Variants in NUS1 observed in about 807,000 individuals in gnomAD.
NUS1 encodes NUS1 dehydrodolichyl diphosphate synthase subunit.
For synonymous variants in NUS1, 135 were observed against 155.2 expected (o/e 0.87, Z 0.97); for missense variants, 292 against 382.9 (o/e 0.76, Z 1.98).
At chr6:117,680,847 G>C (rs4330560) in intron 1 of NUS1, among the ~76,000 whole-genome samples, 1 of 151,626 alleles carries the variant, frequency 6.6e-6, no homozygotes, top group Non-Finnish European at 1.5e-5. Flanking sequence ...AATTTTTTTT[G>C]TGTGCTGCTC....
Position 117,693,326 on chromosome 6 carries a change from C to G in NUS1, c.541+159C>G, listed in dbSNP as rs551582095. Among the ~76,000 whole-genome samples the G allele has an allele frequency of 8.0e-4, 121 of 152,200 alleles. 1 individual carries two copies. In the South Asian group the frequency reaches 8.5e-3, roughly 11 times the overall value. The stretch of plus-strand genomic sequence containing the variant: ...CAGATTTAGACTTTCTCGTCTTAAT[C>G]TTGGTAAAAAGTGAACACATGATAA... On this transcript the variant is annotated intron_variant, in intron 2 of 4. Coordinates refer to ENST00000368494, the MANE Select transcript of NUS1 (RefSeq NM_138459.5).
chr6:117,687,090 A>G (rs1773152475), intron 1 of NUS1, among the ~76,000 whole-genome samples: 1 of 152,194 alleles, frequency 6.6e-6, no homozygotes, highest in African/African-American at 2.4e-5. Context: ...CAGCCAAGAA[A>G]GATTCTGTTC....
intron 1 of NUS1, among the ~76,000 whole-genome samples, chr6:117,677,425 G>A (rs1243644313): frequency 1.3e-5 from 2 of 152,324 alleles, no homozygotes; most frequent in Admixed American, 1.3e-4. Flanking sequence ...TTTTCAATCA[G>A]ATCTTGAAAG....
chr6:117,677,812 G>A (rs1292168853), intron 1 of NUS1, among the ~76,000 whole-genome samples: 1 of 152,186 alleles, frequency 6.6e-6, no homozygotes, highest in Non-Finnish European at 1.5e-5. Flanking sequence ...AGACTGTTAG[G>A]AGATGACACA....
chr6:117,710,427 A>G lies in NUS1; in HGVS notation c.*3412A>G, dbSNP rs1773559376. ...CTGGTGGGACATAAACTATGATGCA[A>G]TGGATAGGAAAAGGTAGTGCAAAAA... On this transcript the variant is annotated 3_prime_UTR_variant, in exon 5 of 5. Coordinates refer to ENST00000368494, the MANE Select transcript of NUS1 (RefSeq NM_138459.5). 1 of 152,164 alleles carries G rather than the reference A, an allele frequency of 6.6e-6. No individual in the cohort carries two copies. The highest frequency in any genetic ancestry group is 1.5e-5 in the Non-Finnish European group (1 of 67,994). 9.4% of individuals were successfully genotyped at this position (152,164 alleles called of 1,614,324 possible).
In NUS1 at chr6:117,709,592, A is replaced by T. The variant is rs1437773606; in HGVS notation, c.*2577A>T. 2 of 151,276 alleles carry T rather than the reference A, an allele frequency of 1.3e-5. No homozygotes were observed. The highest frequency in any genetic ancestry group is 3.9e-4 in the East Asian group (2 of 5,152). The allele number at this position is 151,276 out of a possible 1,614,324, so 9.4% of individuals were successfully genotyped here. On this transcript the variant is annotated 3_prime_UTR_variant, in exon 5 of 5. Coordinates refer to ENST00000368494, the MANE Select transcript of NUS1 (RefSeq NM_138459.5). The stretch of plus-strand genomic sequence containing the variant: ...ATACACTGTGCATATCTGCAATTTA[A>T]TCTTTGAATGTATGTTACTGGATTA...
intron 2 of NUS1, among the ~76,000 whole-genome samples, chr6:117,693,411 C>G (rs1044016114): frequency 1.3e-5 from 2 of 151,984 alleles, no homozygotes; most frequent in African/African-American, 4.8e-5. Context: ...ATAGAATGGA[C>G]ACATTTGTAG....
At position 117,704,973 on chromosome 6, in the gene NUS1, G is replaced by A. The variant is rs1363062100; in HGVS notation, c.791+1269G>A. Among the ~76,000 whole-genome samples the A allele has an allele frequency of 3.4e-4, 51 of 152,118 alleles. 1 individual carries two copies. The highest frequency in any genetic ancestry group is 3.3e-3 in the Admixed American group (51 of 15,274). On this transcript the variant is annotated intron_variant, in intron 4 of 4. Transcript: ENST00000368494. ...ATGTTTGGGGATCATCATAACCTGG[G>A]AAGTAGTTGAACCTGTGAGAATATA...
chr6:117,689,388 G>A (rs1339378427), intron 1 of NUS1, among the ~76,000 whole-genome samples: 5 of 152,098 alleles, frequency 3.3e-5, no homozygotes, highest in Admixed American at 1.3e-4. Context: ...GGAGGGGATT[G>A]GTGTGATGTG....
intron 1 of NUS1, among the ~76,000 whole-genome samples, chr6:117,683,354 T>C (rs952369153): frequency 5.3e-5 from 8 of 152,230 alleles, no homozygotes; most frequent in Non-Finnish European, 1.2e-4. Flanking sequence ...ATGGCCTATG[T>C]ATTTTGTTAT....
rs1326414403 is a variant in NUS1, at chr6:117,707,826, AAAAC to A, written c.*812_*815del. 1 of 152,632 alleles carries A rather than the reference AAAAC, an allele frequency of 6.6e-6. No homozygotes were observed. The highest frequency in any genetic ancestry group is 2.4e-5 in the African/African-American group (1 of 41,458). The allele number at this position is 152,632 out of a possible 1,614,324, so 9.5% of individuals were successfully genotyped here. On this transcript the variant is annotated 3_prime_UTR_variant, in exon 5 of 5. Coordinates refer to ENST00000368494, the MANE Select transcript of NUS1 (RefSeq NM_138459.5). ...TTAAACATTGGATTAGGCAGTCAAA[AAAAC>A]CAAGCAAGCATAAAAGGTCAATAAG...
intron 3 of NUS1, among the ~76,000 whole-genome samples, chr6:117,701,562 A>G (rs1320901066): frequency 6.6e-6 from 1 of 152,092 alleles, no homozygotes; most frequent in Admixed American, 6.5e-5. Context: ...ATTTTCTTAA[A>G]TAATATTTTG....
At chr6:117,681,106 T>C (rs1409286248) in intron 1 of NUS1, among the ~76,000 whole-genome samples, 3 of 152,208 alleles carry the variant, frequency 2.0e-5, no homozygotes, top group African/African-American at 7.2e-5. Flanking sequence ...GAGGCTATTG[T>C]TCATCTTTTC....
intron 1 of NUS1, among the ~76,000 whole-genome samples, chr6:117,688,260 A>G (rs1773167637): frequency 6.6e-6 from 1 of 152,144 alleles, no homozygotes. Flanking sequence ...GAACAGCACA[A>G]TGGCTTGGAG....
chr6:117,692,337 CAA>C (rs1562178815), intron 1 of NUS1, among the ~76,000 whole-genome samples: 1 of 152,014 alleles, frequency 6.6e-6, no homozygotes, highest in African/African-American at 2.4e-5. Context: ...TGCAAATTGT[CAA>C]AGACTTGTTC....
intron 1 of NUS1, among the ~76,000 whole-genome samples, chr6:117,681,214 A>G (rs1773057180): frequency 6.6e-6 from 1 of 152,176 alleles, no homozygotes; most frequent in Admixed American, 6.5e-5. Context: ...TCAGAACTTC[A>G]AACATCTCTA....
At chr6:117,676,147 T>TGGC in intron 1 of NUS1, 62 bp downstream of exon 1, 1 of 1,547,096 alleles carries the variant, frequency 6.5e-7, no homozygotes, top group Non-Finnish European at 8.7e-7. Flanking sequence ...ACCGCTGGTC[T>TGGC]GGCGGGTGGT....
intron 1 of NUS1, among the ~76,000 whole-genome samples, chr6:117,676,424 C>T (rs1455252583): frequency 1.3e-5 from 2 of 152,018 alleles, no homozygotes; most frequent in Admixed American, 6.5e-5. Context: ...ACTAAAAATA[C>T]AAGTTTAGTC....
In NUS1 at chr6:117,683,962, T is replaced by A. The variant is rs1773099893; in HGVS notation, c.415+7877T>A. Among the ~76,000 whole-genome samples, 5 of 152,244 alleles carry A rather than the reference T, an allele frequency of 3.3e-5. No homozygotes were observed. The South Asian group carries it at 1.0e-3, about 31-fold the overall frequency. On this transcript the variant is annotated intron_variant, in intron 1 of 4. Transcript: ENST00000368494. Reference sequence around the variant, plus strand: ...TATTCAGTTAATGTGTAAGACTGAATACAGTATGTAACCTAGTAGGTAGAT... The same window carrying A: ...TATTCAGTTAATGTGTAAGACTGAAAACAGTATGTAACCTAGTAGGTAGAT...
Sources: allele counts gnomAD v4.1 joint callset (sites outside exome capture counted in the v4.1 genomes callset), GRCh38; gene constraint gnomAD v4.1.1; transcripts MANE v1.5; gene names NCBI Gene and HGNC (gene_info 2026-07-23, HGNC 2026-07-21).